Variants in CILP2 observed in about 807,000 individuals in gnomAD.
The protein encoded by CILP2 is CILP-2.
CILP2 carries 38 observed loss-of-function variants against 45.6 expected under a neutral mutation model. That is an observed-to-expected ratio of 0.83 (90% CI 0.64 to 1.09). CILP2 has a LOEUF of 1.09. Ranked by LOEUF, CILP2 falls within the 50% of genes least tolerant of loss-of-function variation. The pLI, the probability that CILP2 is intolerant of heterozygous loss-of-function variation, is 0.00. For synonymous variants in CILP2, 780 were observed against 723.5 expected, an observed-to-expected ratio of 1.08 and a Z score of -1.25; for missense variants, 1,735 against 1,662.2, an observed-to-expected ratio of 1.04 and a Z score of -0.76.
intron 6 of CILP2, 116 bp downstream of exon 6, chr19:19,543,088 A>C: frequency 2.0e-6 from 2 of 985,220 alleles, no homozygotes; most frequent in Non-Finnish European, 3.1e-6. Flanking sequence ...CGGGGAATGA[A>C]TTGGGTGGGA....
chr19:19,541,107 G>A lies in CILP2; in HGVS notation c.453G>A (p.Ala151=). 1 of 1,261,074 alleles carries A rather than the reference G, an allele frequency of 7.9e-7. No individual in the cohort carries two copies. Among genetic ancestry groups the A allele is most frequent in the Non-Finnish European group, 1.0e-6 (1 of 1,002,938 alleles). The allele number at this position is 1,261,074 out of a possible 1,614,324, so 78.1% of individuals were successfully genotyped here. Reference sequence around the variant, plus strand: ...CTTCCGCAGAAGCCTCGTGGGGCGCGTGGGGCCCGTGGGGTCCCTGCTCGG... The same window carrying A: ...CTTCCGCAGAAGCCTCGTGGGGCGCATGGGGCCCGTGGGGTCCCTGCTCGG... ...FRCPLEASWG[A]WGPWGPCSGS... Residue 151 remains alanine, a synonymous_variant, in exon 4 of 8, where the codon GCG becomes GCA. Coordinates refer to ENST00000291495, the MANE Select transcript of CILP2 (RefSeq NM_153221.2).
At position 19,546,256 on chromosome 19, in the gene CILP2, G is replaced by T. The variant is rs1465751350; in HGVS notation, c.*240G>T. 1.1e-5 allele frequency: 4 copies of T among 374,992 alleles called. No individual in the cohort carries two copies. The highest frequency in any genetic ancestry group is 8.3e-5 in the Admixed American group (2 of 24,056). The allele number at this position is 374,992 out of a possible 1,614,324, so 23.2% of individuals were successfully genotyped here. A position where few individuals can be genotyped will look rare whatever the true frequency, so the allele number is the denominator to read the frequency against. On this transcript the variant is annotated 3_prime_UTR_variant, in exon 8 of 8. Coordinates refer to ENST00000291495, the MANE Select transcript of CILP2 (RefSeq NM_153221.2). ...CGGTGACTCTGGGGCCAGCACCCAG[G>T]GGACGACGTTCAACCCTAGCCTGAA... is the stretch of plus-strand genomic sequence containing the variant.
chr19:19,544,127 A>G lies in CILP2; in HGVS notation c.1582A>G (p.Ser528Gly), dbSNP rs766378412. 3.1e-6 allele frequency: 5 copies of G among 1,613,758 alleles called. No homozygotes were observed. The Admixed American group carries it at 8.3e-5, about 27-fold the overall frequency. ...GCTGGTGGTGACTTTTGTGGACCCC[A>G]GCGGTGAGTTCATGGACGCTGTCCG... The part of the protein sequence containing the change: ...QRLVVTFVDP[S>G]GEFMDAVRVL... The change falls in exon 8 of 8, where the codon AGC becomes GGC. Residue 528 changes from serine (S) to glycine (G), a missense_variant. By Grantham distance (56) the Ser-to-Gly change is moderately conservative. Transcript: ENST00000291495.
rs1306226903 is a variant in CILP2 at position 19,545,922 on chromosome 19, T to G, written c.3377T>G (p.Leu1126Arg). ...QRLLESPATALGDIRREMSEA... is the reference protein window; with the variant it reads ...QRLLESPATARGDIRREMSEA... ...CTGCTGGAGTCCCCGGCGACAGCACTTGGTGACATCCGCAGGGAGATGAGC... is the reference window on the plus strand; with the variant it reads ...CTGCTGGAGTCCCCGGCGACAGCACGTGGTGACATCCGCAGGGAGATGAGC... The change falls in exon 8 of 8, where the codon CTT becomes CGT. Residue 1126 changes from leucine to arginine, a missense_variant. Leu to Arg is a moderately radical substitution (Grantham distance 102, BLOSUM62 -2). Transcript: ENST00000291495. The G allele has an allele frequency of 6.3e-7, 1 of 1,581,276 alleles. No homozygotes were observed. Among genetic ancestry groups the G allele is most frequent in the Non-Finnish European group, 8.6e-7 (1 of 1,157,932 alleles).
chr19:19,544,533 T>G lies in CILP2; in HGVS notation c.1988T>G (p.Val663Gly), dbSNP rs752681690. 22 of 1,587,878 alleles carry G rather than the reference T, an allele frequency of 1.4e-5. No homozygotes were observed. Among genetic ancestry groups the G allele is most frequent in the Non-Finnish European group, 1.9e-5 (22 of 1,172,788 alleles). ...CAGCTGCAGGTGGGGCCGGTGGCCG[T>G]GCGGGTGGCCGCCAGCCAGATCCAC... ...AEQLQVGPVAVRVAASQIHMP... is the reference protein window; with the variant it reads ...AEQLQVGPVAGRVAASQIHMP... Residue 663 changes from valine to glycine, a missense_variant, in exon 8 of 8, where the codon GTG (valine) becomes GGG (glycine). Physicochemically the swap from Val to Gly is moderately radical, Grantham distance 109. Transcript: ENST00000291495.
At position 19,546,092 on chromosome 19, in the gene CILP2, C is replaced by T; in HGVS notation, c.*76C>T. The T allele has an allele frequency of 1.6e-6, 2 of 1,235,508 alleles. No homozygotes were observed. Among genetic ancestry groups the T allele is most frequent in the Non-Finnish European group, 2.1e-6 (2 of 946,896 alleles). The allele number at this position is 1,235,508 out of a possible 1,614,324, so 76.5% of individuals were successfully genotyped here. A position where few individuals can be genotyped will look rare whatever the true frequency, so the allele number is the denominator to read the frequency against. ...AGGAAGTTTTGCCCCTCCTTCTTCT[C>T]CAGACAGCCCCCTCCCCAGGTGTCT... On this transcript the variant is annotated 3_prime_UTR_variant, in exon 8 of 8. Coordinates refer to ENST00000291495, the MANE Select transcript of CILP2 (RefSeq NM_153221.2).
intron 4 of CILP2, among the ~76,000 whole-genome samples, chr19:19,541,572 T>A (rs888555934): frequency 1.3e-5 from 2 of 152,144 alleles, no homozygotes; most frequent in African/African-American, 4.8e-5. Flanking sequence ...AGGGGGCTCT[T>A]GTGCAGGCAG....
At chr19:19,543,458 G>T in intron 7 of CILP2, 53 bp downstream of exon 7, 1 of 1,600,456 alleles carries the variant, frequency 6.2e-7, no homozygotes, top group South Asian at 1.1e-5. Context: ...ACGGAACCCG[G>T]ACTGTAGCTA....
In CILP2 at chr19:19,545,004, C is replaced by T. The variant is rs1255343743; in HGVS notation, c.2459C>T (p.Pro820Leu). The T allele has an allele frequency of 2.5e-6, 4 of 1,602,016 alleles. No homozygotes were observed. The South Asian group carries it at 3.3e-5, about 13-fold the overall frequency. Residue 820 changes from proline (P) to leucine (L), a missense_variant, in exon 8 of 8, where the codon CCG becomes CTG. Physicochemically the swap from Pro to Leu is moderately conservative, Grantham distance 98. Coordinates refer to ENST00000291495, the MANE Select transcript of CILP2 (RefSeq NM_153221.2). ...TATLGGEELE[P>L]APSLPRPLPA... ...ACCCTGGGCGGCGAGGAGCTGGAGC[C>T]GGCCCCTTCCTTGCCCCGCCCACTC...
At position 19,544,532 on chromosome 19, in the gene CILP2, G is replaced by A. The variant is rs779074968; in HGVS notation, c.1987G>A (p.Val663Met). The change falls in exon 8 of 8, where the codon GTG becomes ATG. Residue 663 changes from valine (V) to methionine (M), a missense_variant. By Grantham distance (21) the Val-to-Met change is conservative. Transcript: ENST00000291495. Reference sequence around the variant, plus strand: ...GCAGCTGCAGGTGGGGCCGGTGGCCGTGCGGGTGGCCGCCAGCCAGATCCA... The same window carrying A: ...GCAGCTGCAGGTGGGGCCGGTGGCCATGCGGGTGGCCGCCAGCCAGATCCA... ...AEQLQVGPVA[V>M]RVAASQIHMP... 6 of 1,587,784 alleles carry A rather than the reference G, an allele frequency of 3.8e-6. No individual in the cohort carries two copies. The highest frequency in any genetic ancestry group is 1.7e-5 in the Admixed American group (1 of 57,938).
chr19:19,541,155 C>T lies in CILP2; in HGVS notation c.501C>T (p.Arg167=). The change falls in exon 4 of 8, where the codon CGC becomes CGT. Residue 167 remains arginine (R), a synonymous_variant. Coordinates refer to ENST00000291495, the MANE Select transcript of CILP2 (RefSeq NM_153221.2). ...CGGGGAGCTGTGGGCCAGGCCGTCG[C>T]TTGCGCCGCCGCCACTGCCCAAGCC... ...PCSGSCGPGR[R]LRRRHCPSPA... is the part of the protein sequence containing the mutation. 2 of 1,257,246 alleles carry T rather than the reference C, an allele frequency of 1.6e-6. No homozygotes were observed. Among genetic ancestry groups the T allele is most frequent in the Non-Finnish European group, 2.0e-6 (2 of 1,000,576 alleles). The allele number at this position is 1,257,246 out of a possible 1,614,324, so 77.9% of individuals were successfully genotyped here. A position where few individuals can be genotyped will look rare whatever the true frequency, so the allele number is the denominator to read the frequency against.
rs2061238167 is a variant in CILP2, at chr19:19,540,175, C to A, written c.164-29C>A. 3.9e-6 allele frequency: 6 copies of A among 1,542,260 alleles called. No individual in the cohort carries two copies. The South Asian group carries it at 7.2e-5, about 18-fold the overall frequency. On this transcript the variant is annotated intron_variant, in intron 2 of 7. Transcript: ENST00000291495. ...TGCATGGGGGCCTACAGGCCGCCGC[C>A]CTGGTCCCAGCGCGTGCGGTGCCCG...
chr19:19,542,945 G>A lies in CILP2; in HGVS notation c.950G>A (p.Gly317Glu). 1 of 1,613,510 alleles carries A rather than the reference G, an allele frequency of 6.2e-7. No homozygotes were observed. The highest frequency in any genetic ancestry group is 2.2e-5 in the East Asian group (1 of 44,884). Reference protein sequence around the residue: ...QNVTFCCKASGTPMPKKYSWF... With the variant: ...QNVTFCCKASETPMPKKYSWF... ...GTGACTTTCTGCTGCAAAGCCTCCG[G>A]GACCCCCATGCCCAAGAAATACTCC... Residue 317 changes from glycine to glutamate, a missense_variant, in exon 6 of 8, where the codon GGG (glycine) becomes GAG (glutamate). Transcript: ENST00000291495.
Position 19,541,197 on chromosome 19 carries a change from T to C in CILP2, c.543T>C (p.Cys181=). Residue 181 remains cysteine, a synonymous_variant, in exon 4 of 8, where the codon TGT becomes TGC. Coordinates refer to ENST00000291495, the MANE Select transcript of CILP2 (RefSeq NM_153221.2). The part of the protein sequence containing the change: ...RHCPSPAGDA[C]PGRPLEAQKC... ...GCCCAAGCCCCGCTGGGGATGCGTG[T>C]CCCGGGCGTCCTCTGGAGGCGCAGA... 7.8e-7 allele frequency: 1 copy of C among 1,274,546 alleles called. No homozygotes were observed. Among genetic ancestry groups the C allele is most frequent in the South Asian group, 3.2e-5 (1 of 31,146 alleles). 79.0% of individuals were successfully genotyped at this position (1,274,546 alleles called of 1,614,324 possible).
Position 19,544,847 on chromosome 19 carries a change from GC to G in CILP2, c.2307del (p.Gly770AlafsTer123). 1.3e-6 allele frequency: 2 copies of G among 1,598,286 alleles called. No homozygotes were observed. Among genetic ancestry groups the G allele is most frequent in the Non-Finnish European group, 1.7e-6 (2 of 1,178,584 alleles). On this transcript the variant is annotated frameshift_variant, in exon 8 of 8. Transcript: ENST00000291495. LOFTEE classifies it low-confidence loss of function (END_TRUNC). ...GGTCACGCTGGTCAATCTGGAGCCC[GC>G]CCCCGGCTTCTCCGCCAACCCCCGT... is the stretch of plus-strand genomic sequence containing the variant. ...VVVTLVNLEP[A>X]PGFSANPRAW...
chr19:19,545,085 C>A lies in CILP2; in HGVS notation c.2540C>A (p.Thr847Lys). 6.2e-7 allele frequency: 1 copy of A among 1,610,334 alleles called. No homozygotes were observed. Among genetic ancestry groups the A allele is most frequent in the South Asian group, 1.1e-5 (1 of 90,846 alleles). ...PYLDRLGYRR[T>K]DHDDPAFKRN... is the part of the protein sequence containing the mutation. ...CTGGACAGGCTGGGGTACCGTCGGA[C>A]GGACCACGACGATCCCGCCTTCAAG... Residue 847 changes from threonine (T) to lysine (K), a missense_variant, in exon 8 of 8, where the codon ACG becomes AAG. Coordinates refer to ENST00000291495, the MANE Select transcript of CILP2 (RefSeq NM_153221.2).
rs2061252408 is a variant in CILP2, at chr19:19,543,705, C to A, written c.1160C>A (p.Pro387His). The change falls in exon 8 of 8, where the codon CCC becomes CAC. Residue 387 changes from proline (P) to histidine (H), a missense_variant. Coordinates refer to ENST00000291495, the MANE Select transcript of CILP2 (RefSeq NM_153221.2). The part of the protein sequence containing the change: ...VLAPGQPACD[P>H]RPREYLIKLP... ...GCCCCAGGCCAGCCAGCCTGCGACC[C>A]CCGGCCCCGAGAGTACCTGATCAAG... 3 of 1,598,750 alleles carry A rather than the reference C, an allele frequency of 1.9e-6. No homozygotes were observed. The highest frequency in any genetic ancestry group is 2.6e-6 in the Non-Finnish European group (3 of 1,170,280).
rs772653120 is a variant in CILP2, at chr19:19,543,209, T to C, written c.978-39T>C. 4.4e-6 allele frequency: 7 copies of C among 1,595,090 alleles called. No homozygotes were observed. In the African/African-American group the frequency reaches 8.1e-5, roughly 18 times the overall value. ...TGCAGACTGGGGGCAACACAGCCCCTCCCACTGAGTCCTATGGTGTCGCTC... is the reference window on the plus strand; with the variant it reads ...TGCAGACTGGGGGCAACACAGCCCCCCCCACTGAGTCCTATGGTGTCGCTC... On this transcript the variant is annotated intron_variant, in intron 6 of 7. Transcript: ENST00000291495.
Position 19,546,188 on chromosome 19 carries a change from AC to A in CILP2, c.*174del. On this transcript the variant is annotated 3_prime_UTR_variant, in exon 8 of 8. Coordinates refer to ENST00000291495, the MANE Select transcript of CILP2 (RefSeq NM_153221.2). ...ACCCAGAGCATCCGATGGTAGAAAC[AC>A]CAGGAAGACAATTGTTGCTGTGTGG... is the stretch of plus-strand genomic sequence containing the variant. 1 of 497,354 alleles carries A rather than the reference AC, an allele frequency of 2.0e-6. No individual in the cohort carries two copies. The highest frequency in any genetic ancestry group is 3.4e-6 in the Non-Finnish European group (1 of 295,624). 30.8% of individuals were successfully genotyped at this position (497,354 alleles called of 1,614,324 possible).
Sources: gnomAD v4.1 joint callset for allele counts (sites outside exome capture counted in the v4.1 genomes callset) on GRCh38, gnomAD v4.1.1 for gene constraint, MANE v1.5 for transcripts, NCBI Gene and HGNC (gene_info 2026-07-23, HGNC 2026-07-21) for gene names.